Variants in GCN1 observed in about 807,000 individuals in gnomAD.
GCN1 encodes the protein GCN1 activator of EIF2AK4.
In GCN1, 90 loss-of-function variants were observed where a neutral mutation model predicts 288.4. The ratio of observed to expected loss-of-function variants is 0.31; its 90% CI spans 0.26 to 0.37. The LOEUF is 0.37. GCN1 is among the 10% of genes least tolerant of loss of function. The pLI is 1.00. For missense variants in GCN1, 2,586 were observed against 3,419.9 expected (o/e 0.76, Z 6.08); for synonymous variants, 1,386 against 1,420.2 (o/e 0.98, Z 0.54).
rs1566307241 is a variant in GCN1, at chr12:120,156,560, A to G, written c.3213T>C (p.Ser1071=). 6.2e-7 allele frequency: 1 copy of G among 1,613,278 alleles called. No homozygotes were observed. Among genetic ancestry groups the G allele is most frequent in the East Asian group, 2.2e-5 (1 of 44,862 alleles). ...DTLTTLCASS[S]GDDGCAFAEQ... ...CTGCAAAGGCACAGCCATCATCACC[A>G]CTGCTGCTGGCACACAGGGTGGTCA... Residue 1071 remains serine, a synonymous_variant, in exon 28 of 58, where the codon AGT becomes AGC. Coordinates refer to ENST00000300648, the MANE Select transcript of GCN1 (RefSeq NM_006836.2). This position sits in a 1 kb window ranked among gnomAD's most constrained non-coding sequence, Gnocchi z 5.8.
rs368250800 is a variant in GCN1 at position 120,137,623 on chromosome 12, C to A, written c.6585G>T (p.Ser2195=). The change falls in exon 49 of 58, where the codon TCG becomes TCT. Residue 2195 remains serine, a synonymous_variant. Transcript: ENST00000300648. This position sits in a 1 kb window ranked among gnomAD's most constrained non-coding sequence, Gnocchi z 5.2. ...DYTSHLRSLV[S]GLIRLFNDSS... is the part of the protein sequence containing the mutation. ...AGTCATTGAAGAGGCGGATCAGGCC[C>A]GAGACCAGGCTCCGCAGGTGGCTGG... 12 of 1,614,172 alleles carry A rather than the reference C, an allele frequency of 7.4e-6. No homozygotes were observed. The highest frequency in any genetic ancestry group is 3.3e-4 in the Middle Eastern group (2 of 6,062).
chr12:120,173,239 T>G (rs1321718488), intron 14 of GCN1, among the ~76,000 whole-genome samples: 1 of 151,892 alleles, frequency 6.6e-6, no homozygotes. Flanking sequence ...GTATTTTTAG[T>G]AGAGACAGGG....
chr12:120,164,646 T>C lies in GCN1; in HGVS notation c.1688A>G (p.Gln563Arg), dbSNP rs1445364019. The C allele has an allele frequency of 6.2e-7, 1 of 1,612,944 alleles. No individual in the cohort carries two copies. The highest frequency in any genetic ancestry group is 8.5e-7 in the Non-Finnish European group (1 of 1,178,878). Residue 563 changes from glutamine (Q) to arginine (R), a missense_variant and splice_region_variant, in exon 17 of 58, where the codon CAG becomes CGG. By Grantham distance (43) the Gln-to-Arg change is conservative. This residue lies in a region of GCN1 where 913 missense variants were observed against 1,107.0 expected (regional missense o/e 0.82). Coordinates refer to ENST00000300648, the MANE Select transcript of GCN1 (RefSeq NM_006836.2). ...HPHRLTGNKV[Q>R]QYHRALVAVL... ...GAAAAGGTAAGCCAGCCTCACGTAC[T>C]GAACTTTGTTGCCAGTGAGTCTATG...
intron 1 of GCN1, 45 bp downstream of exon 1, chr12:120,194,635 G>C (rs999410070): frequency 6.0e-6 from 9 of 1,503,716 alleles, no homozygotes; most frequent in Non-Finnish European, 8.0e-6. Flanking sequence ...GCCACCGTCC[G>C]CACCCAGTCC....
Position 120,189,176 on chromosome 12 carries a change from G to A in GCN1, c.121+1122C>T, listed in dbSNP as rs576715167. ...CCTCCACTGCCTCCCAGGTTGAAGCGATTCTCCTGCCTCAGCCTCCTGAGT... is the reference window on the plus strand; with the variant it reads ...CCTCCACTGCCTCCCAGGTTGAAGCAATTCTCCTGCCTCAGCCTCCTGAGT... On this transcript the variant is annotated intron_variant, in intron 2 of 57. Coordinates refer to ENST00000300648, the MANE Select transcript of GCN1 (RefSeq NM_006836.2). Among the ~76,000 whole-genome samples the A allele has an allele frequency of 7.2e-5, 11 of 151,750 alleles. No individual in the cohort carries two copies. In the East Asian group the frequency reaches 1.4e-3, roughly 19 times the overall value.
chr12:120,128,999 G>A (rs1326674652), intron 57 of GCN1, among the ~76,000 whole-genome samples: 1 of 151,896 alleles, frequency 6.6e-6, no homozygotes, highest in African/African-American at 2.4e-5. Context: ...CACCACGCCT[G>A]GCTAATTTTT....
At position 120,134,534 on chromosome 12, in the gene GCN1, T is replaced by C. The variant is rs761621201; in HGVS notation, c.7201A>G (p.Arg2401Gly). The C allele has an allele frequency of 1.2e-6, 2 of 1,612,716 alleles. No individual in the cohort carries two copies. Among genetic ancestry groups the C allele is most frequent in the Non-Finnish European group, 1.7e-6 (2 of 1,178,790 alleles). The stretch of plus-strand genomic sequence containing the variant: ...AGTGCTCCCTTGCCAGCGCCGTACC[T>C]GACACCTGGGTCCTCCATGGCGCGG... ...GIRAMEDPGV[R>G]DTMLQALRFV... The change falls in exon 52 of 58, where the codon AGG becomes GGG. Residue 2401 changes from arginine to glycine, a missense_variant and splice_region_variant. By Grantham distance (125) the Arg-to-Gly change is moderately radical. This residue lies in a region of GCN1 where 355 missense variants were observed against 431.1 expected (regional missense o/e 0.82). Coordinates refer to ENST00000300648, the MANE Select transcript of GCN1 (RefSeq NM_006836.2). The surrounding 1 kb of genome is among the most constrained non-coding windows in gnomAD (Gnocchi z 5.0).
intron 16 of GCN1, among the ~76,000 whole-genome samples, chr12:120,167,546 TTA>T (rs1464623138): frequency 3.9e-5 from 6 of 152,066 alleles, no homozygotes; most frequent in Non-Finnish European, 8.8e-5. Context: ...ATAAAATTGG[TTA>T]TCTATAGCCG....
intron 35 of GCN1, 47 bp downstream of exon 35, chr12:120,149,875 T>C: frequency 6.2e-7 from 1 of 1,611,452 alleles, no homozygotes; most frequent in Non-Finnish European, 8.5e-7. Flanking sequence ...TGGGAACACA[T>C]CTCATAAAGT....
chr12:120,127,988 TG>T lies in GCN1; in HGVS notation c.7891-15del, dbSNP rs1228960372. On this transcript the variant is annotated splice_polypyrimidine_tract_variant and intron_variant, in intron 57 of 57. Coordinates refer to ENST00000300648, the MANE Select transcript of GCN1 (RefSeq NM_006836.2). ...CTTGGAGAGGGACTGTGGGGAAGGATGAGCAGGAGGAAACATAGTCAGAACA... is the reference window on the plus strand; with the variant it reads ...CTTGGAGAGGGACTGTGGGGAAGGATAGCAGGAGGAAACATAGTCAGAACA... 1 of 1,613,570 alleles carries T rather than the reference TG, an allele frequency of 6.2e-7. No individual in the cohort carries two copies. The highest frequency in any genetic ancestry group is 8.5e-7 in the Non-Finnish European group (1 of 1,179,732).
rs1877314283 is a variant in GCN1 at position 120,144,884 on chromosome 12, G to T, written c.5155+39C>A. 6.2e-7 allele frequency: 1 copy of T among 1,614,014 alleles called. No homozygotes were observed. Among genetic ancestry groups the T allele is most frequent in the Non-Finnish European group, 8.5e-7 (1 of 1,179,892 alleles). On this transcript the variant is annotated intron_variant, in intron 40 of 57. Coordinates refer to ENST00000300648, the MANE Select transcript of GCN1 (RefSeq NM_006836.2). This position sits in a 1 kb window ranked among gnomAD's most constrained non-coding sequence, Gnocchi z 4.7. The stretch of plus-strand genomic sequence containing the variant: ...CCACTGGATCTGAGGGCCCCTTAGA[G>T]CATTCCCAGGCTGGCCACTGGACCT...
At chr12:120,170,890 G>A (rs1408831405) in intron 14 of GCN1, among the ~76,000 whole-genome samples, 1 of 151,974 alleles carries the variant, frequency 6.6e-6, no homozygotes, top group African/African-American at 2.4e-5. Context: ...GCCAAGCACA[G>A]TGGCTCATGC....
Position 120,142,410 on chromosome 12 carries a change from T to G in GCN1, c.5829+97A>C. The G allele has an allele frequency of 1.3e-6, 1 of 790,482 alleles. No individual in the cohort carries two copies. Among genetic ancestry groups the G allele is most frequent in the Non-Finnish European group, 2.2e-6 (1 of 447,670 alleles). 49.0% of individuals were successfully genotyped at this position (790,482 alleles called of 1,614,324 possible). On this transcript the variant is annotated intron_variant, in intron 44 of 57. Coordinates refer to ENST00000300648, the MANE Select transcript of GCN1 (RefSeq NM_006836.2). The surrounding 1 kb of genome is among the most constrained non-coding windows in gnomAD (Gnocchi z 4.9). ...CACAATGTCCCTCTGTTAGGCAGGG[T>G]GGATGGGTACTTTCCCAGGCTCTGC... is the stretch of plus-strand genomic sequence containing the variant.
intron 1 of GCN1, among the ~76,000 whole-genome samples, chr12:120,194,184 G>C (rs1243896177): frequency 6.6e-6 from 1 of 152,226 alleles, no homozygotes; most frequent in Non-Finnish European, 1.5e-5. Flanking sequence ...GGCAGACTTG[G>C]CGGGGTTAAG....
At chr12:120,190,016 T>G (rs1192431511) in intron 2 of GCN1, among the ~76,000 whole-genome samples, 2 of 151,424 alleles carry the variant, frequency 1.3e-5, no homozygotes, top group African/African-American at 4.9e-5. Flanking sequence ...ACCACAAAAT[T>G]TATTTTTGAT....
intron 36 of GCN1, among the ~76,000 whole-genome samples, chr12:120,149,247 C>A (rs1021334306): frequency 6.6e-6 from 1 of 151,970 alleles, no homozygotes; most frequent in Non-Finnish European, 1.5e-5. Context: ...GCTGGCCAGG[C>A]GTGGTGACTC....
In GCN1 at chr12:120,184,098, C is replaced by G. The variant is rs752474185; in HGVS notation, c.317+14G>C. On this transcript the variant is annotated intron_variant, in intron 4 of 57. Coordinates refer to ENST00000300648, the MANE Select transcript of GCN1 (RefSeq NM_006836.2). ...TGTACCAATTCTCAGGGGGCCACAACTTTTACCTCTTACCTGGGAACACCT... is the reference window on the plus strand; with the variant it reads ...TGTACCAATTCTCAGGGGGCCACAAGTTTTACCTCTTACCTGGGAACACCT... 5.0e-6 allele frequency: 8 copies of G among 1,608,564 alleles called. No homozygotes were observed. In the East Asian group the frequency reaches 1.1e-4, roughly 22 times the overall value.
In GCN1 at chr12:120,132,001, C is replaced by A. The variant is rs372147716; in HGVS notation, c.7339G>T (p.Ala2447Ser). 2 of 1,597,104 alleles carry A rather than the reference C, an allele frequency of 1.3e-6. No homozygotes were observed. The highest frequency in any genetic ancestry group is 2.7e-5 in the African/African-American group (2 of 74,706). Reference sequence around the variant, plus strand: ...GCACACAGTTCCCCTAGGCACCCGGCTGAGGAGATGCGAGTGTTGTCCTGA... The same window carrying A: ...GCACACAGTTCCCCTAGGCACCCGGATGAGGAGATGCGAGTGTTGTCCTGA... Reference protein sequence around the residue: ...HDEDNTRISSAGCLGELCAFL... With the variant: ...HDEDNTRISSSGCLGELCAFL... Residue 2447 changes from alanine (A) to serine (S), a missense_variant, in exon 54 of 58, where the codon GCC (alanine) becomes TCC (serine). Around this residue, in one of 8 missense-constraint regions of GCN1, gnomAD observed 355 missense variants for 431.1 expected, o/e 0.82. Transcript: ENST00000300648.
chr12:120,129,625 CA>C, intron 56 of GCN1, 131 bp from the exon 57 acceptor site: 1 of 689,766 alleles, frequency 1.4e-6, no homozygotes, highest in Non-Finnish European at 2.6e-6. Context: ...GGGAGGGTCC[CA>C]GCATGACTCG....
Sources: allele counts gnomAD v4.1 joint callset (sites outside exome capture counted in the v4.1 genomes callset), GRCh38; gene constraint gnomAD v4.1.1; regional missense constraint gnomAD v4.1.1; non-coding constraint Gnocchi (gnomAD v3.1); transcripts MANE v1.5; gene names NCBI Gene and HGNC (gene_info 2026-07-23, HGNC 2026-07-21).